Variants in EHMT1 observed in about 807,000 individuals in gnomAD.
EHMT1 encodes the protein euchromatic histone lysine methyltransferase 1, also known as histone-lysine N-methyltransferase EHMT1.
EHMT1 carries 15 observed loss-of-function variants against 147.2 expected under a neutral mutation model. The observed-to-expected ratio is 0.10, with a 90% CI of 0.07 to 0.16. The LOEUF (loss-of-function observed/expected upper bound fraction) is 0.16, where lower values mean the gene tolerates loss of function less well. EHMT1 is among the 10% of genes least tolerant of loss of function. The probability of loss-of-function intolerance (pLI) is 1.00; values close to 1 mark genes in which losing one functional copy is unlikely to be tolerated. For synonymous variants in EHMT1, 795 were observed against 709.6 expected (o/e 1.12, Z -1.91); for missense variants, 1,587 against 1,772.4 (o/e 0.90, Z 1.88).
intron 16 of EHMT1, among the ~76,000 whole-genome samples, chr9:137,795,425 ACACT>A (rs1564776297): frequency 2.0e-4 from 3 of 15,290 alleles, no homozygotes; most frequent in Non-Finnish European, 3.5e-4. Flanking sequence ...ACACACACAC[ACACT>A]CTCACACTCA....
intron 1 of EHMT1, among the ~76,000 whole-genome samples, chr9:137,694,676 G>A (rs1943249550): frequency 6.6e-6 from 1 of 152,236 alleles, no homozygotes; most frequent in African/African-American, 2.4e-5. Flanking sequence ...TCTGAGCCAT[G>A]TGCCAGTCAG....
intron 6 of EHMT1, chr9:137,745,566 C>G (rs1948472940): frequency 2.5e-6 from 1 of 398,504 alleles, no homozygotes; most frequent in Non-Finnish European, 4.4e-6. Flanking sequence ...TTAGACGTGC[C>G]CAGCACAGCC....
chr9:137,655,894 G>A (rs981644632), intron 1 of EHMT1, among the ~76,000 whole-genome samples: 1 of 152,198 alleles, frequency 6.6e-6, no homozygotes, highest in Non-Finnish European at 1.5e-5. Context: ...TGCCAAAAAG[G>A]TTGGGGACCA....
At chr9:137,826,180 T>C (rs1955801977) in intron 25 of EHMT1, among the ~76,000 whole-genome samples, 1 of 152,160 alleles carries the variant, frequency 6.6e-6, no homozygotes, top group African/African-American at 2.4e-5. Context: ...TTCCTGTTTC[T>C]GTGCCGTCTC....
At chr9:137,754,605 T>G (rs1949232503) in intron 8 of EHMT1, among the ~76,000 whole-genome samples, 1 of 152,126 alleles carries the variant, frequency 6.6e-6, no homozygotes, top group Admixed American at 6.5e-5. Context: ...TTCCACCTTC[T>G]GGGCTCAGGC....
Position 137,687,906 on chromosome 9 carries a change from C to T in EHMT1, c.22-23061C>T, listed in dbSNP as rs1942598854. Among the ~76,000 whole-genome samples the T allele has an allele frequency of 3.3e-5, 5 of 152,382 alleles. No individual in the cohort carries two copies. The South Asian group carries it at 8.3e-4, about 25-fold the overall frequency. On this transcript the variant is annotated intron_variant, in intron 1 of 26. Coordinates refer to ENST00000460843, the MANE Select transcript of EHMT1 (RefSeq NM_024757.5). Reference sequence around the variant, plus strand: ...CTTCACGGTGTGGTCTCTGATCCTTCAACATGGGGCGTCTTTCTATTTAAT... The same window carrying T: ...CTTCACGGTGTGGTCTCTGATCCTTTAACATGGGGCGTCTTTCTATTTAAT...
Position 137,813,445 on chromosome 9 carries a change from A to G in EHMT1, c.3095A>G (p.Glu1032Gly). ...PIPCVNAVDS[E>G]PCPSNYKYVS... is the part of the protein sequence containing the mutation. ...CCCTGTGTCAACGCCGTGGACAGCG[A>G]GCCATGCCCCAGCAACTACAAGTAC... Residue 1032 changes from glutamate to glycine, a missense_variant, in exon 21 of 27, where the codon GAG becomes GGG. This residue lies in a region of EHMT1 where 156 missense variants were observed against 252.5 expected (regional missense o/e 0.62). Coordinates refer to ENST00000460843, the MANE Select transcript of EHMT1 (RefSeq NM_024757.5). This position sits in a 1 kb window ranked among gnomAD's most constrained non-coding sequence, Gnocchi z 4.9. 6.2e-7 allele frequency: 1 copy of G among 1,613,958 alleles called. No individual in the cohort carries two copies. Among genetic ancestry groups the G allele is most frequent in the East Asian group, 2.2e-5 (1 of 44,878 alleles).
chr9:137,757,335 G>A (rs1433040080), intron 8 of EHMT1, among the ~76,000 whole-genome samples: 1 of 152,182 alleles, frequency 6.6e-6, no homozygotes, highest in Non-Finnish European at 1.5e-5. Context: ...GTGTTTACTG[G>A]AGTCGACACT....
chr9:137,636,306 T>C (rs1042858246), intron 1 of EHMT1, among the ~76,000 whole-genome samples: 14 of 152,214 alleles, frequency 9.2e-5, no homozygotes, highest in Admixed American at 2.6e-4. Flanking sequence ...GCTGAATTTT[T>C]TTTGGTGTGG....
intron 3 of EHMT1, among the ~76,000 whole-genome samples, chr9:137,727,443 G>A (rs1217618269): frequency 6.6e-6 from 1 of 152,166 alleles, no homozygotes; most frequent in Non-Finnish European, 1.5e-5. Context: ...TTAGGACTGT[G>A]GTCCATCTTG....
intron 1 of EHMT1, among the ~76,000 whole-genome samples, chr9:137,688,574 G>T (rs1044250683): frequency 6.6e-6 from 1 of 152,164 alleles, no homozygotes; most frequent in African/African-American, 2.4e-5. Flanking sequence ...TTATTGTGAA[G>T]AGAAATATCA....
At chr9:137,766,609 C>T (rs1451217293) in intron 10 of EHMT1, among the ~76,000 whole-genome samples, 4 of 152,062 alleles carry the variant, frequency 2.6e-5, no homozygotes, top group African/African-American at 4.8e-5. Flanking sequence ...AGTGAGACTC[C>T]GTCACAAAAA....
intron 3 of EHMT1, among the ~76,000 whole-genome samples, chr9:137,721,282 AGACTTCTCACACTCACCCCCT>A (rs2135600927): frequency 1.2e-4 from 6 of 50,964 alleles, no homozygotes; most frequent in Admixed American, 2.8e-4. Flanking sequence ...CACCCCTCCC[AGACTTCTCACACTCACCCCCT>A]CCCAGACTTC....
chr9:137,740,596 C>G (rs1017955126), intron 4 of EHMT1, among the ~76,000 whole-genome samples: 3 of 152,218 alleles, frequency 2.0e-5, no homozygotes, highest in Non-Finnish European at 4.4e-5. Flanking sequence ...CACACTTCAG[C>G]CACGTGCTCA....
chr9:137,736,518 CTT>C (rs1489922941), intron 4 of EHMT1, among the ~76,000 whole-genome samples: 2 of 152,268 alleles, frequency 1.3e-5, no homozygotes, highest in East Asian at 3.8e-4. Context: ...CATGTACACT[CTT>C]CTCAAGTGCA....
intron 1 of EHMT1, chr9:137,685,439 C>T (rs1046642040): frequency 2.6e-5 from 4 of 152,174 alleles, no homozygotes; most frequent in South Asian, 2.1e-4. Flanking sequence ...AGAACCCATT[C>T]CTGGATATAT....
At chr9:137,771,402 T>C (rs1950575113) in intron 10 of EHMT1, among the ~76,000 whole-genome samples, 1 of 152,104 alleles carries the variant, frequency 6.6e-6, no homozygotes, top group Non-Finnish European at 1.5e-5. Flanking sequence ...AGTTTCCCTA[T>C]GTTGGCCAGG....
rs545198228 is a variant in EHMT1 at position 137,784,097 on chromosome 9, T to G, written c.2382+1700T>G. 43 of 1,284,166 alleles carry G rather than the reference T, an allele frequency of 3.3e-5. No homozygotes were observed. In the African/African-American group the frequency reaches 5.6e-4, roughly 17 times the overall value. 79.5% of individuals were successfully genotyped at this position (1,284,166 alleles called of 1,614,324 possible). A position where few individuals can be genotyped will look rare whatever the true frequency, so the allele number is the denominator to read the frequency against. On this transcript the variant is annotated intron_variant, in intron 15 of 26. Transcript: ENST00000460843. ...TCATTTATAAAGAAAAGAAATTTAT[T>G]TCTCACAGTTCTGCAGGCTGGGAAG...
At chr9:137,668,327 CACCA>C (rs1382412803) in intron 1 of EHMT1, among the ~76,000 whole-genome samples, 1 of 151,802 alleles carries the variant, frequency 6.6e-6, no homozygotes, top group Admixed American at 6.6e-5. Context: ...TTCACCCACC[CACCA>C]CTCACCCACC....
Sources: gnomAD v4.1 joint callset for allele counts (sites outside exome capture counted in the v4.1 genomes callset) on GRCh38, gnomAD v4.1.1 for gene constraint, gnomAD v4.1.1 regional missense constraint, Gnocchi (gnomAD v3.1) non-coding constraint, MANE v1.5 for transcripts, NCBI Gene and HGNC (gene_info 2026-07-23, HGNC 2026-07-21) for gene names.